HPSE2: variants seen among roughly 807,000 people sequenced by gnomAD.
HPSE2 encodes inactive heparanase-2.
Under a neutral mutation model 60.5 loss-of-function variants are expected in HPSE2, and 38 were observed. The observed-to-expected ratio is 0.63, with a 90% confidence interval of 0.48 to 0.82. The LOEUF (loss-of-function observed/expected upper bound fraction) is 0.82, where lower values mean the gene tolerates loss of function less well. HPSE2 is among the 40% of genes least tolerant of loss of function. The probability of loss-of-function intolerance (pLI) is 0.00; values close to 1 mark genes in which losing one functional copy is unlikely to be tolerated. For missense variants in HPSE2, 713 were observed against 740.4 expected (o/e 0.96, Z 0.43); for synonymous variants, 295 against 293.2 (o/e 1.01, Z -0.06).
chr10:98,517,123 C>T (rs1395748597), intron 9 of HPSE2, among the ~76,000 whole-genome samples: 1 of 149,218 alleles, frequency 6.7e-6, no homozygotes, highest in Non-Finnish European at 1.5e-5. Context: ...TTCCCAGATC[C>T]TAAGACCCAG....
At chr10:99,232,973 G>A (rs192415379) in intron 1 of HPSE2, among the ~76,000 whole-genome samples, 5 of 152,386 alleles carry the variant, frequency 3.3e-5, no homozygotes, top group African/African-American at 1.2e-4. Context: ...TGCCTCCGCA[G>A]CCCCAGGGGC....
intron 3 of HPSE2, among the ~76,000 whole-genome samples, chr10:98,915,661 T>C (rs1458286572): frequency 2.0e-5 from 3 of 152,228 alleles, no homozygotes. Context: ...TGGTCTTTTC[T>C]GTGCTTGCTT....
rs1954970838 is a variant in HPSE2, at chr10:98,940,777, C to A, written c.611-196721G>T. On this transcript the variant is annotated intron_variant, in intron 3 of 11. Transcript: ENST00000370552. Reference sequence around the variant, plus strand: ...ATACCAAAGCTGGGCAGAGACACAACCAAAAAAGAGAATTTTAAACCAATA... The same window carrying A: ...ATACCAAAGCTGGGCAGAGACACAAACAAAAAAGAGAATTTTAAACCAATA... Among the ~76,000 whole-genome samples the A allele has an allele frequency of 1.4e-5, 2 of 142,006 alleles. 1 individual carries two copies. Among genetic ancestry groups the A allele is most frequent in the Admixed American group, 1.4e-4 (2 of 14,270 alleles). The allele number at this position is 142,006 out of a possible 152,430, so 93.2% of individuals were successfully genotyped here.
At chr10:99,068,058 C>G (rs1448399915) in intron 3 of HPSE2, among the ~76,000 whole-genome samples, 1 of 152,190 alleles carries the variant, frequency 6.6e-6, no homozygotes, top group Non-Finnish European at 1.5e-5. Flanking sequence ...CAGTTCCCAA[C>G]AAGTTCCTCA....
the HPSE2 span, among the ~76,000 whole-genome samples, chr10:99,274,138 G>A: frequency 2.6e-5 from 4 of 152,230 alleles, no homozygotes; most frequent in Non-Finnish European, 5.9e-5. Context: ...TTGAGGCCAG[G>A]AGTTTGAGAC....
intron 5 of HPSE2, among the ~76,000 whole-genome samples, chr10:98,705,068 A>G (rs191868534): frequency 1.5e-3 from 234 of 152,310 alleles, no homozygotes; most frequent in Non-Finnish European, 1.6e-3. Context: ...TACAAGAAAA[A>G]AACAACCCCA....
At chr10:98,473,702 T>C (rs1940881777) in intron 11 of HPSE2, among the ~76,000 whole-genome samples, 2 of 152,074 alleles carry the variant, frequency 1.3e-5, no homozygotes, top group Admixed American at 6.6e-5. Flanking sequence ...GGTAGATATA[T>C]AGAAAAATTG....
chr10:98,808,236 C>T (rs537844096), intron 3 of HPSE2, among the ~76,000 whole-genome samples: 6 of 152,306 alleles, frequency 3.9e-5, no homozygotes, highest in African/African-American at 1.2e-4. Context: ...TCATCACCCC[C>T]TCAAACCCTC....
intron 9 of HPSE2, among the ~76,000 whole-genome samples, chr10:98,604,666 A>G (rs2133951163): frequency 6.6e-6 from 1 of 152,360 alleles, no homozygotes; most frequent in East Asian, 1.9e-4. Context: ...AGCCTTGAAG[A>G]AAAAAGCTTT....
intron 3 of HPSE2, among the ~76,000 whole-genome samples, chr10:98,856,296 G>A (rs1192540415): frequency 6.6e-6 from 1 of 152,140 alleles, no homozygotes; most frequent in African/African-American, 2.4e-5. Context: ...ATCAGATAGG[G>A]ATTTAAAAAC....
intron 6 of HPSE2, among the ~76,000 whole-genome samples, chr10:98,648,262 C>T (rs1022078608): frequency 2.8e-4 from 42 of 152,112 alleles, no homozygotes; most frequent in Non-Finnish European, 4.3e-4. Context: ...CATCTTGATC[C>T]TAGCGGTGTT....
At chr10:98,946,890 T>C (rs1217153367) in intron 3 of HPSE2, among the ~76,000 whole-genome samples, 1 of 152,098 alleles carries the variant, frequency 6.6e-6, no homozygotes, top group Non-Finnish European at 1.5e-5. Context: ...CATCTTCACG[T>C]GAGCAATTTG....
intron 3 of HPSE2, among the ~76,000 whole-genome samples, chr10:99,132,275 G>GA (rs1303690295): frequency 6.8e-5 from 10 of 147,592 alleles, no homozygotes; most frequent in South Asian, 4.5e-4. Context: ...AAGAAAGAAA[G>GA]AAAAGAAATT....
intron 6 of HPSE2, among the ~76,000 whole-genome samples, chr10:98,655,983 G>T (rs937666065): frequency 6.6e-6 from 1 of 152,036 alleles, no homozygotes; most frequent in South Asian, 2.1e-4. Flanking sequence ...GCATTGTGTA[G>T]AATGTTGTCC....
At chr10:99,315,875 G>T in the HPSE2 span, among the ~76,000 whole-genome samples, 1 of 152,254 alleles carries the variant, frequency 6.6e-6, no homozygotes, top group African/African-American at 2.4e-5. Flanking sequence ...ATTTTCTTGG[G>T]ATAGTCCCTC....
chr10:98,497,782 A>G lies in HPSE2; in HGVS notation c.1321-7586T>C, dbSNP rs897452083. Among the ~76,000 whole-genome samples, 6 of 152,232 alleles carry G rather than the reference A, an allele frequency of 3.9e-5. No individual in the cohort carries two copies. In the East Asian group the frequency reaches 1.2e-3, roughly 29 times the overall value. ...CATTTTCTTTTTTAAAAATGTCAAT[A>G]TTGACCTCAAGCAGAATGAGATCAT... On this transcript the variant is annotated intron_variant, in intron 9 of 11. Coordinates refer to ENST00000370552, the MANE Select transcript of HPSE2 (RefSeq NM_021828.5).
chr10:98,512,584 CAA>C (rs34214972), intron 9 of HPSE2, among the ~76,000 whole-genome samples: 1 of 143,944 alleles, frequency 6.9e-6, no homozygotes. Context: ...GACTGCGTCT[CAA>C]AAAAAAAAAA....
intron 2 of HPSE2, among the ~76,000 whole-genome samples, chr10:99,148,533 G>A (rs1846138732): frequency 1.3e-5 from 2 of 152,122 alleles, no homozygotes; most frequent in South Asian, 4.1e-4. Flanking sequence ...GCTCACGCCT[G>A]TAATCCCAGC....
At chr10:99,117,441 AAAAAAAAAC>A (rs1844750433) in intron 3 of HPSE2, among the ~76,000 whole-genome samples, 2 of 143,246 alleles carry the variant, frequency 1.4e-5, no homozygotes, top group African/African-American at 2.5e-5. Context: ...AAAAAAAAAA[AAAAAAAAAC>A]TAATAAAATA....
Sources: gnomAD v4.1 joint callset for allele counts (sites outside exome capture counted in the v4.1 genomes callset) on GRCh38, gnomAD v4.1.1 for gene constraint, MANE v1.5 for transcripts, NCBI Gene and HGNC (gene_info 2026-07-23, HGNC 2026-07-21) for gene names.